ATP9A: variants seen among roughly 807,000 people sequenced by gnomAD.
ATP9A encodes the protein ATPase phospholipid transporting 9A, also known as probable phospholipid-transporting ATPase IIA.
In ATP9A, 52 loss-of-function variants were observed where a neutral mutation model predicts 144.1. That is an observed-to-expected ratio of 0.36 (90% CI 0.29 to 0.45). The LOEUF is 0.45. Ranked by LOEUF, ATP9A falls within the 20% of genes least tolerant of loss-of-function variation. ATP9A has a pLI of 1.00. For missense variants in ATP9A, 947 were observed against 1,392.7 expected, an observed-to-expected ratio of 0.68 and a Z score of 5.09; for synonymous variants, 582 against 557.4, an observed-to-expected ratio of 1.04 and a Z score of -0.62.
chr20:51,631,973 C>G (rs147876920), intron 15 of ATP9A, among the ~76,000 whole-genome samples: 138 of 152,360 alleles, frequency 9.1e-4, no homozygotes, highest in African/African-American at 3.2e-3. Context: ...TGCACTCACA[C>G]ATGTTTAAAA....
chr20:51,747,559 C>T (rs895585734), intron 1 of ATP9A, among the ~76,000 whole-genome samples: 12 of 152,086 alleles, frequency 7.9e-5, no homozygotes, highest in African/African-American at 2.9e-4. Context: ...TATTTTAATA[C>T]CAAAATATGT....
intron 9 of ATP9A, among the ~76,000 whole-genome samples, chr20:51,688,571 G>A (rs2077533662): frequency 6.6e-6 from 1 of 151,732 alleles, no homozygotes; most frequent in African/African-American, 2.4e-5. Context: ...CAGCCTAGGT[G>A]ACAGTGTAAG....
intron 22 of ATP9A, among the ~76,000 whole-genome samples, chr20:51,614,861 C>T (rs6013232): frequency 0.014 from 2,192 of 152,108 alleles, 54 homozygotes; most frequent in African/African-American, 0.05. Flanking sequence ...AAGAGAGAAA[C>T]GTGTTCTACA....
Position 51,596,567 on chromosome 20 carries a change from T to C in ATP9A, c.*4644A>G, listed in dbSNP as rs1316469356. On this transcript the variant is annotated 3_prime_UTR_variant, in exon 28 of 28. Coordinates refer to ENST00000338821, the MANE Select transcript of ATP9A (RefSeq NM_006045.3). ...TCACCTTTTGAAATTCTGACACGTC[T>C]GGGATGGACAATAGTACAAAATAAT... is the stretch of plus-strand genomic sequence containing the variant. 1 of 152,202 alleles carries C rather than the reference T, an allele frequency of 6.6e-6. No individual in the cohort carries two copies. The highest frequency in any genetic ancestry group is 1.5e-5 in the Non-Finnish European group (1 of 68,042). The allele number at this position is 152,202 out of a possible 1,614,324, so 9.4% of individuals were successfully genotyped here.
chr20:51,721,394 G>A (rs1777735926), intron 3 of ATP9A, among the ~76,000 whole-genome samples: 1 of 152,228 alleles, frequency 6.6e-6, no homozygotes, highest in African/African-American at 2.4e-5. Flanking sequence ...GCCAAGGTAG[G>A]TGGATTCCTG....
At chr20:51,662,406 G>A (rs752495799) in intron 13 of ATP9A, among the ~76,000 whole-genome samples, 22 of 151,880 alleles carry the variant, frequency 1.4e-4, no homozygotes, top group Non-Finnish European at 2.1e-4. Context: ...TTAGCTGGGC[G>A]TGGTGGCAGG....
At chr20:51,616,191 A>C (rs2077202246) in intron 22 of ATP9A, among the ~76,000 whole-genome samples, 1 of 152,156 alleles carries the variant, frequency 6.6e-6, no homozygotes, top group Non-Finnish European at 1.5e-5. Flanking sequence ...GAGAACCAGA[A>C]AGGGTGGTAA....
At chr20:51,727,517 C>T (rs988871615) in intron 2 of ATP9A, among the ~76,000 whole-genome samples, 3 of 151,652 alleles carry the variant, frequency 2.0e-5, no homozygotes, top group Non-Finnish European at 4.4e-5. Context: ...GCCCAGGAGG[C>T]GGAGATAGTA....
rs774692538 is a variant in ATP9A, at chr20:51,618,703, C to A, written c.2309G>T (p.Arg770Leu). Residue 770 changes from arginine to leucine, a missense_variant, in exon 21 of 28, where the codon CGC becomes CTC. By Grantham distance (102) the Arg-to-Leu change is moderately radical. Coordinates refer to ENST00000338821, the MANE Select transcript of ATP9A (RefSeq NM_006045.3). ...CTTGCCCGTGCGCTCCTGAAGCAGG[C>A]GCACGATCTGGGCCTTCTGGGTGGG... The part of the protein sequence containing the change: ...CAPTQKAQIV[R>L]LLQERTGKLT... The A allele has an allele frequency of 6.2e-7, 1 of 1,613,438 alleles. No homozygotes were observed. The highest frequency in any genetic ancestry group is 1.1e-5 in the South Asian group (1 of 91,006).
chr20:51,667,101 G>C (rs1345010106), intron 13 of ATP9A, among the ~76,000 whole-genome samples: 1 of 152,126 alleles, frequency 6.6e-6, no homozygotes, highest in African/African-American at 2.4e-5. Flanking sequence ...GGCCGGGATG[G>C]GCAAACTGAT....
rs1452981587 is a variant in ATP9A at position 51,676,305 on chromosome 20, G to C, written c.800-97C>G. The C allele has an allele frequency of 5.2e-6, 5 of 970,458 alleles. No individual in the cohort carries two copies. In the African/African-American group the frequency reaches 6.8e-5, roughly 13 times the overall value. The allele number at this position is 970,458 out of a possible 1,614,324, so 60.1% of individuals were successfully genotyped here. ...GAGTCTGATCCTCTTGAGAGACTGGGTTCTTTTTTTTTTTTGAGACAGAGT... is the reference window on the plus strand; with the variant it reads ...GAGTCTGATCCTCTTGAGAGACTGGCTTCTTTTTTTTTTTTGAGACAGAGT... On this transcript the variant is annotated intron_variant, in intron 9 of 27. Transcript: ENST00000338821.
intron 22 of ATP9A, 100 bp downstream of exon 22, chr20:51,617,390 C>A (rs766819040): frequency 3.4e-4 from 297 of 881,060 alleles, no homozygotes; most frequent in Non-Finnish European, 4.2e-4. Context: ...TTTTATCATT[C>A]TTTATCTGGA....
At chr20:51,735,858 CCT>C in intron 1 of ATP9A, among the ~76,000 whole-genome samples, 1 of 152,306 alleles carries the variant, frequency 6.6e-6, no homozygotes, top group Admixed American at 6.5e-5. Flanking sequence ...CAAAGTGTGC[CCT>C]GAGTGTTTGC....
intron 4 of ATP9A, among the ~76,000 whole-genome samples, chr20:51,705,584 C>T (rs1394250534): frequency 4.6e-5 from 7 of 152,202 alleles, no homozygotes; most frequent in Admixed American, 2.6e-4. Flanking sequence ...CCTCTGTTTG[C>T]ACTTCTTTCA....
intron 4 of ATP9A, among the ~76,000 whole-genome samples, chr20:51,711,124 A>G (rs562924441): frequency 2.0e-5 from 3 of 152,214 alleles, no homozygotes; most frequent in Admixed American, 1.3e-4. Context: ...CAAAGATTAC[A>G]CTGATTCTTT....
rs141373011 is a variant in ATP9A at position 51,609,274 on chromosome 20, C to T, written c.2637-648G>A. ...AATGTTCTTGTACTCTTCCAGAACC[C>T]GACGAAAGACAGCCCGCTTTTCCAG... On this transcript the variant is annotated intron_variant, in intron 24 of 27. Transcript: ENST00000338821. Among the ~76,000 whole-genome samples, 9 of 152,202 alleles carry T rather than the reference C, an allele frequency of 5.9e-5. No homozygotes were observed. The East Asian group carries it at 9.7e-4, about 16-fold the overall frequency.
chr20:51,622,265 A>G, intron 18 of ATP9A, 93 bp from the exon 19 acceptor site: 1 of 1,020,736 alleles, frequency 9.8e-7, no homozygotes, highest in Non-Finnish European at 1.5e-6. Context: ...ATGGAGCTGA[A>G]CTTGGTATGT....
chr20:51,657,164 A>G lies in ATP9A; in HGVS notation c.1294-14T>C, dbSNP rs1235519748. 1 of 1,604,612 alleles carries G rather than the reference A, an allele frequency of 6.2e-7. No individual in the cohort carries two copies. The highest frequency in any genetic ancestry group is 2.2e-5 in the East Asian group (1 of 44,738). On this transcript the variant is annotated splice_polypyrimidine_tract_variant and intron_variant, in intron 13 of 27. Transcript: ENST00000338821. The stretch of plus-strand genomic sequence containing the variant: ...GTCCTGGGATTGCTACAGGAAGGAG[A>G]AATGAACAAGGAAGATGACCAGAGG...
Position 51,726,633 on chromosome 20 carries a change from C to T in ATP9A, c.214-701G>A, listed in dbSNP as rs116282171. Among the ~76,000 whole-genome samples the T allele has an allele frequency of 4.9e-3, 753 of 152,170 alleles. 8 individuals are homozygous for T. Among genetic ancestry groups the T allele is most frequent in the African/African-American group, 0.017 (707 of 41,530 alleles). On this transcript the variant is annotated intron_variant, in intron 2 of 27. Coordinates refer to ENST00000338821, the MANE Select transcript of ATP9A (RefSeq NM_006045.3). Reference sequence around the variant, plus strand: ...TCGCTCTGTCACCCAGCCTGGAGTCCAGTGGCGTGATCGTAGCTCACTGCA... The same window carrying T: ...TCGCTCTGTCACCCAGCCTGGAGTCTAGTGGCGTGATCGTAGCTCACTGCA...
Sources: allele counts gnomAD v4.1 joint callset (sites outside exome capture counted in the v4.1 genomes callset), GRCh38; gene constraint gnomAD v4.1.1; transcripts MANE v1.5; gene names NCBI Gene and HGNC (gene_info 2026-07-23, HGNC 2026-07-21).